The following EIF3CL variants were observed in gnomAD, a reference collection of about 807,000 sequenced individuals.
EIF3CL encodes eukaryotic translation initiation factor 3 subunit C-like protein.
For synonymous variants in EIF3CL, 2 were observed against 19.6 expected (o/e 0.10, Z 2.37); for missense variants, 5 against 56.1 (o/e 0.09, Z 2.91).
the EIF3CL span, among the ~76,000 whole-genome samples, chr16:28,417,233 G>A: frequency 6.7e-6 from 1 of 149,464 alleles, no homozygotes; most frequent in Admixed American, 6.6e-5. Context: ...CCCCATCCGG[G>A]AAGTGAGGGG....
At chr16:28,421,729 T>C in the EIF3CL span, among the ~76,000 whole-genome samples, 1 of 93,254 alleles carries the variant, frequency 1.1e-5, no homozygotes, top group African/African-American at 3.7e-5. Flanking sequence ...TCAGTATCAT[T>C]TGAACCTGGG....
chr16:28,416,992 C>CGCCCCGTCCGG, the EIF3CL span, among the ~76,000 whole-genome samples: 2 of 95,448 alleles, frequency 2.1e-5, no homozygotes, highest in African/African-American at 7.6e-5. Flanking sequence ...CCCGGCCAGC[C>CGCCCCGTCCGG]GCCCCGTCCG....
At chr16:28,418,967 C>T in the EIF3CL span, among the ~76,000 whole-genome samples, 3 of 148,048 alleles carry the variant, frequency 2.0e-5, no homozygotes, top group Non-Finnish European at 4.5e-5. Flanking sequence ...GTCTCTGCGA[C>T]TCTCCAGGGA....
At chr16:28,387,680 G>A (rs930653502) in intron 15 of EIF3CL, among the ~76,000 whole-genome samples, 1 of 148,742 alleles carries the variant, frequency 6.7e-6, no homozygotes, top group Non-Finnish European at 1.5e-5. Context: ...CCCCAGACAG[G>A]TTCACCAGGT....
the EIF3CL span, chr16:28,415,053 C>G: frequency 2.7e-5 from 10 of 371,586 alleles, 1 homozygote; most frequent in South Asian, 1.8e-4. Context: ...TGTGTGCAAG[C>G]CCCTAGGCGC....
chr16:28,410,644 C>T, the EIF3CL span, among the ~76,000 whole-genome samples: 2 of 147,564 alleles, frequency 1.4e-5, no homozygotes, highest in South Asian at 4.4e-4. Context: ...TGTGCAATTG[C>T]AAGATCCCAG....
upstream of EIF3CL, among the ~76,000 whole-genome samples, chr16:28,408,076 C>T (rs1279946228): frequency 5.7e-3 from 94 of 16,512 alleles, 1 homozygote; most frequent in African/African-American, 0.017. Context: ...TGGTGGTGCA[C>T]GCCTGTAATC....
the EIF3CL span, among the ~76,000 whole-genome samples, chr16:28,415,327 T>G: frequency 2.3e-5 from 2 of 86,298 alleles, no homozygotes; most frequent in Non-Finnish European, 2.1e-5. Flanking sequence ...GTCCGCCAGG[T>G]AGAGGGGAGG....
the EIF3CL span, among the ~76,000 whole-genome samples, chr16:28,417,221 C>G: frequency 6.7e-6 from 1 of 149,204 alleles, no homozygotes; most frequent in South Asian, 2.1e-4. Context: ...CCCGGCGAGC[C>G]GCCCCATCCG....
chr16:28,418,711 C>T, the EIF3CL span, among the ~76,000 whole-genome samples: 1 of 151,804 alleles, frequency 6.6e-6, no homozygotes, highest in East Asian at 2.0e-4. Flanking sequence ...CTCACTGAAG[C>T]CTCTGCCTCC....
At chr16:28,422,370 C>T in the EIF3CL span, among the ~76,000 whole-genome samples, 1 of 94,206 alleles carries the variant, frequency 1.1e-5, no homozygotes, top group Admixed American at 1.3e-4. Flanking sequence ...TCCGGAGTAG[C>T]TGGGACTACA....
At chr16:28,417,069 C>T in the EIF3CL span, among the ~76,000 whole-genome samples, 5 of 85,222 alleles carry the variant, frequency 5.9e-5, no homozygotes, top group Non-Finnish European at 5.1e-5. Flanking sequence ...GTGAGGGCGC[C>T]TCTGCCCGGC....
At chr16:28,411,018 C>T in the EIF3CL span, among the ~76,000 whole-genome samples, 2 of 147,200 alleles carry the variant, frequency 1.4e-5, no homozygotes, top group African/African-American at 2.5e-5. Flanking sequence ...TTAAGTGCAC[C>T]AGTATGGTAG....
upstream of EIF3CL, among the ~76,000 whole-genome samples, chr16:28,405,974 TAC>T (rs1195614318): frequency 3.7e-5 from 3 of 81,106 alleles, no homozygotes; most frequent in Non-Finnish European, 7.1e-5. Context: ...ATTCAATAAA[TAC>T]AGTCAATCCT....
At chr16:28,419,294 G>A in the EIF3CL span, among the ~76,000 whole-genome samples, 2 of 148,922 alleles carry the variant, frequency 1.3e-5, no homozygotes, top group Non-Finnish European at 2.9e-5. Context: ...GTGTAAGCCA[G>A]TGCGCCCAGC....
the EIF3CL span, among the ~76,000 whole-genome samples, chr16:28,419,298 G>A: frequency 2.5e-4 from 38 of 150,724 alleles, no homozygotes; most frequent in East Asian, 7.7e-4. Flanking sequence ...AAGCCAGTGC[G>A]CCCAGCCCTC....
At chr16:28,414,615 ACT>A in the EIF3CL span, 1 of 277,266 alleles carries the variant, frequency 3.6e-6, no homozygotes, top group Admixed American at 5.4e-5. Context: ...GCAGTTCTTC[ACT>A]GAGATTCAGA....
chr16:28,402,975 G>C (rs1333059065), intron 2 of EIF3CL, among the ~76,000 whole-genome samples: 1 of 62,352 alleles, frequency 1.6e-5, no homozygotes, highest in Admixed American at 1.9e-4. Context: ...CTCAAAAAAA[G>C]AAAAAAAAAA....
chr16:28,418,907 G>A, the EIF3CL span, among the ~76,000 whole-genome samples: 2 of 145,994 alleles, frequency 1.4e-5, no homozygotes, highest in South Asian at 4.3e-4. Flanking sequence ...TAGGATTACA[G>A]GCCTGAGCCA....
Sources: allele counts gnomAD v4.1 joint callset (sites outside exome capture counted in the v4.1 genomes callset), GRCh38; gene constraint gnomAD v4.1.1; transcripts MANE v1.5; gene names NCBI Gene and HGNC (gene_info 2026-07-23, HGNC 2026-07-21).